PDE10A: variants seen among roughly 807,000 people sequenced by gnomAD.
PDE10A encodes phosphodiesterase 10A, also known as cAMP and cAMP-inhibited cGMP 3',5'-cyclic phosphodiesterase 10A.
PDE10A carries 39 observed loss-of-function variants against 97.7 expected under a neutral mutation model. The observed-to-expected ratio is 0.40, with a 90% confidence interval of 0.31 to 0.52. The LOEUF (loss-of-function observed/expected upper bound fraction) is 0.52, where lower values mean the gene tolerates loss of function less well. Ranked by LOEUF, PDE10A falls within the 20% of genes least tolerant of loss-of-function variation. PDE10A has a pLI of 0.56. For synonymous variants in PDE10A, 371 were observed against 376.8 expected (o/e 0.98, Z 0.18); for missense variants, 731 against 1,047.8 (o/e 0.70, Z 4.17).
At chr6:165,749,234 CCACCATCACATCACCAT>C (rs1792918132) in intron 1 of PDE10A, among the ~76,000 whole-genome samples, 8 of 125,264 alleles carry the variant, frequency 6.4e-5, no homozygotes, top group Non-Finnish European at 1.3e-4. Flanking sequence ...ATCACCATCA[CCACCATCACATCACCAT>C]CATCACCATT....
At chr6:165,584,638 C>T (rs1222849479) in intron 1 of PDE10A, among the ~76,000 whole-genome samples, 2 of 152,164 alleles carry the variant, frequency 1.3e-5, no homozygotes, top group African/African-American at 2.4e-5. Flanking sequence ...TAATCAACCA[C>T]CTGGACACCT....
chr6:165,704,092 T>C (rs1791646532), intron 1 of PDE10A, among the ~76,000 whole-genome samples: 1 of 152,108 alleles, frequency 6.6e-6, no homozygotes, highest in Non-Finnish European at 1.5e-5. Context: ...CGTACAACAG[T>C]ATGTTGTATC....
rs916722832 is a variant in PDE10A at position 165,661,778 on chromosome 6, C to G, written c.865+169G>C. Among the ~76,000 whole-genome samples the G allele has an allele frequency of 1.3e-5, 2 of 152,110 alleles. No homozygotes were observed. Among genetic ancestry groups the G allele is most frequent in the African/African-American group, 4.8e-5 (2 of 41,462 alleles). On this transcript the variant is annotated intron_variant, in intron 1 of 21. Transcript: ENST00000539869. The surrounding 1 kb of genome is among the most constrained non-coding windows in gnomAD (Gnocchi z 4.8). ...CGCGGCCGAACGCTCCCGCGCTCCG[C>G]CAGGGGCACCGGCTCCTGCCCCTCC...
chr6:165,786,630 C>T (rs1229295831), intron 1 of PDE10A, among the ~76,000 whole-genome samples: 1 of 152,142 alleles, frequency 6.6e-6, no homozygotes, highest in Non-Finnish European at 1.5e-5. Context: ...GCTGATGAAT[C>T]TCACCACATG....
At chr6:165,553,567 C>T (rs1251789241) in intron 1 of PDE10A, among the ~76,000 whole-genome samples, 1 of 152,134 alleles carries the variant, frequency 6.6e-6, no homozygotes, top group Non-Finnish European at 1.5e-5. Context: ...ATTTAATGAG[C>T]CTTGGTTTAA....
At chr6:165,813,247 G>GTTGT (rs1453532190) in intron 1 of PDE10A, among the ~76,000 whole-genome samples, 1 of 151,894 alleles carries the variant, frequency 6.6e-6, no homozygotes. Flanking sequence ...TTTTAAACAG[G>GTTGT]TTGTGTTTAA....
At chr6:165,376,487 C>T (rs900697075) in intron 18 of PDE10A, among the ~76,000 whole-genome samples, 3 of 152,230 alleles carry the variant, frequency 2.0e-5, no homozygotes, top group Admixed American at 1.3e-4. Context: ...TCTGAGAGGA[C>T]TGACTCTAAT....
At chr6:165,610,281 C>T (rs1003377444) in intron 1 of PDE10A, among the ~76,000 whole-genome samples, 22 of 152,164 alleles carry the variant, frequency 1.4e-4, no homozygotes, top group African/African-American at 4.6e-4. Context: ...CGGTGGCTCA[C>T]GCCTGTAATC....
intron 1 of PDE10A, among the ~76,000 whole-genome samples, chr6:165,800,775 G>A (rs1217521519): frequency 6.6e-6 from 1 of 152,200 alleles, no homozygotes; most frequent in African/African-American, 2.4e-5. Context: ...CATGGAAATG[G>A]TTAGTAATAA....
At chr6:165,576,718 C>T (rs912145002) in intron 1 of PDE10A, among the ~76,000 whole-genome samples, 8 of 152,120 alleles carry the variant, frequency 5.3e-5, no homozygotes, top group African/African-American at 1.9e-4. Context: ...CCCAGTCATC[C>T]TCCAATCCAC....
chr6:165,752,993 C>T (rs73788783), intron 1 of PDE10A, among the ~76,000 whole-genome samples: 11,749 of 152,276 alleles, frequency 0.077, 520 homozygotes, highest in African/African-American at 0.12. Context: ...GAGAATTCCA[C>T]GCCCATTTAT....
chr6:165,451,152 T>C (rs964277302), intron 3 of PDE10A, among the ~76,000 whole-genome samples: 39 of 152,190 alleles, frequency 2.6e-4, no homozygotes, highest in African/African-American at 1.4e-4. Context: ...CCTGCCACCA[T>C]AGCAAGAGTT....
chr6:165,854,398 C>T (rs914491513), intron 1 of PDE10A, among the ~76,000 whole-genome samples: 2 of 152,108 alleles, frequency 1.3e-5, no homozygotes, highest in Non-Finnish European at 2.9e-5. Flanking sequence ...AAAGCCAAGA[C>T]CAGGTGCGTT....
In PDE10A at chr6:165,557,011, C is replaced by T. The variant is rs146060208; in HGVS notation, c.866-13443G>A. On this transcript the variant is annotated intron_variant, in intron 1 of 21. Coordinates refer to ENST00000539869, the MANE Select transcript of PDE10A (RefSeq NM_001385079.1). ...AAAATTAGCCGGGCGTGGTGGCATG[C>T]GCCTGTCATTCCAGCTACTCGGGAG... 5.2e-3 allele frequency among the ~76,000 whole-genome samples: 788 copies of T among 151,988 alleles called. 5 individuals carry two copies. Among genetic ancestry groups the T allele is most frequent in the African/African-American group, 0.018 (738 of 41,446 alleles).
Position 165,718,625 on chromosome 6 carries a change from T to C in PDE10A, c.-614-175057A>G, listed in dbSNP as rs111745066. Reference sequence around the variant, plus strand: ...TGTTCCTAGAATGCAGGCTTGTGTGTATATACCCGAACCCCCACCTTTTCC... The same window carrying C: ...TGTTCCTAGAATGCAGGCTTGTGTGCATATACCCGAACCCCCACCTTTTCC... On this transcript the variant is annotated intron_variant, in intron 1 of 19. Coordinates refer to the PDE10A transcript ENST00000366882. Among the ~76,000 whole-genome samples, 862 of 152,138 alleles carry C rather than the reference T, an allele frequency of 5.7e-3. 6 individuals carry two copies. Among genetic ancestry groups the C allele is most frequent in the African/African-American group, 0.02 (817 of 41,466 alleles).
chr6:165,365,690 AGC>A (rs1783726478), intron 18 of PDE10A, among the ~76,000 whole-genome samples: 1 of 152,168 alleles, frequency 6.6e-6, no homozygotes, highest in African/African-American at 2.4e-5. Context: ...ACTGTACTTA[AGC>A]CTGGGGGACA....
chr6:165,709,456 A>T (rs1375534469), intron 1 of PDE10A, among the ~76,000 whole-genome samples: 1 of 27,712 alleles, frequency 3.6e-5, no homozygotes. Flanking sequence ...CCCCACTCCC[A>T]TGCTTTTGGG....
At chr6:165,600,058 G>A (rs1421694512) in intron 1 of PDE10A, among the ~76,000 whole-genome samples, 3 of 152,082 alleles carry the variant, frequency 2.0e-5, no homozygotes, top group South Asian at 4.2e-4. Context: ...TCCGACCGGG[G>A]AATCCTCGCC....
At chr6:165,886,008 A>C (rs1000209709) in intron 1 of PDE10A, among the ~76,000 whole-genome samples, 3 of 152,242 alleles carry the variant, frequency 2.0e-5, no homozygotes, top group Admixed American at 2.0e-4. Context: ...AATATTGTCT[A>C]TCATAAGTTG....
Sources: gnomAD v4.1 joint callset for allele counts (sites outside exome capture counted in the v4.1 genomes callset) on GRCh38, gnomAD v4.1.1 for gene constraint, Gnocchi (gnomAD v3.1) non-coding constraint, MANE v1.5 for transcripts, NCBI Gene and HGNC (gene_info 2026-07-23, HGNC 2026-07-21) for gene names.